UNC13C: variants seen among roughly 807,000 people sequenced by gnomAD.
UNC13C encodes unc-13 homolog C.
UNC13C carries 174 observed loss-of-function variants against 245.4 expected under a neutral mutation model. The observed-to-expected ratio is 0.71, with a 90% confidence interval of 0.63 to 0.80. The LOEUF (loss-of-function observed/expected upper bound fraction) is 0.80, where lower values mean the gene tolerates loss of function less well. Ranked by LOEUF, UNC13C falls within the 30% of genes least tolerant of loss-of-function variation. The pLI is 0.00. For synonymous variants in UNC13C, 992 were observed against 895.1 expected (o/e 1.11, Z -1.93); for missense variants, 2,829 against 2,602.9 (o/e 1.09, Z -1.89).
At chr15:54,257,487 G>A (rs1596096410) in intron 8 of UNC13C, among the ~76,000 whole-genome samples, 1 of 152,176 alleles carries the variant, frequency 6.6e-6, no homozygotes, top group African/African-American at 2.4e-5. Flanking sequence ...TGAATATGGT[G>A]GGGATGGTAC....
At chr15:54,323,642 G>A (rs968419297) in intron 14 of UNC13C, among the ~76,000 whole-genome samples, 2 of 151,970 alleles carry the variant, frequency 1.3e-5, no homozygotes, top group Non-Finnish European at 1.5e-5. Flanking sequence ...TAGACAGATT[G>A]ACTCTTGCAG....
At chr15:53,965,897 CATCACTTTTT>C in the UNC13C span, among the ~76,000 whole-genome samples, 4 of 152,132 alleles carry the variant, frequency 2.6e-5, no homozygotes, top group Admixed American at 2.6e-4. Context: ...GACATGAACT[CATCACTTTTT>C]ATGGCTGCAT....
chr15:54,502,858 T>C (rs1894290308), intron 22 of UNC13C, among the ~76,000 whole-genome samples: 1 of 152,122 alleles, frequency 6.6e-6, no homozygotes, highest in Non-Finnish European at 1.5e-5. Flanking sequence ...GAGTGCACGG[T>C]AACAGAGTAG....
intron 18 of UNC13C, among the ~76,000 whole-genome samples, chr15:54,395,886 G>A (rs2040059487): frequency 6.6e-6 from 1 of 151,766 alleles, no homozygotes; most frequent in Non-Finnish European, 1.5e-5. Context: ...CATGTAGTCA[G>A]TGTTTGTTCT....
rs773206998 is a variant in UNC13C at position 54,297,862 on chromosome 15, A to G, written c.4040A>G (p.Asn1347Ser). 14 of 1,611,386 alleles carry G rather than the reference A, an allele frequency of 8.7e-6. No individual in the cohort carries two copies. Among genetic ancestry groups the G allele is most frequent in the Admixed American group, 3.3e-5 (2 of 59,788 alleles). The stretch of plus-strand genomic sequence containing the variant: ...TCTGGGGCCATACGATTGAAAATCA[A>G]TGTGGAGATAAAAGGAGAAGAGAAG... The part of the protein sequence containing the change: ...AVSGAIRLKI[N>S]VEIKGEEKVA... Residue 1347 changes from asparagine to serine, a missense_variant, in exon 12 of 33, where the codon AAT becomes AGT. Physicochemically the swap from Asn to Ser is conservative, Grantham distance 46 (BLOSUM62 1). Coordinates refer to ENST00000260323, the MANE Select transcript of UNC13C (RefSeq NM_001080534.3).
At chr15:54,118,980 C>T (rs2030473970) in intron 2 of UNC13C, among the ~76,000 whole-genome samples, 1 of 150,578 alleles carries the variant, frequency 6.6e-6, no homozygotes, top group Admixed American at 6.6e-5. Flanking sequence ...TACTTGCATC[C>T]TAGGAATAAA....
chr15:54,113,770 G>A (rs2030006476), intron 2 of UNC13C, among the ~76,000 whole-genome samples: 2 of 152,090 alleles, frequency 1.3e-5, no homozygotes, highest in African/African-American at 2.4e-5. Context: ...AGGTTGCAGT[G>A]AGCCGAGATC....
chr15:54,234,994 A>G, intron 4 of UNC13C, 36 bp from the exon 5 acceptor site: 1 of 1,576,766 alleles, frequency 6.3e-7, no homozygotes, highest in Non-Finnish European at 8.7e-7. Context: ...AAGTCATTTT[A>G]CCCATTGCAA....
chr15:54,335,464 G>C (rs1487286751), intron 16 of UNC13C, among the ~76,000 whole-genome samples: 1 of 151,842 alleles, frequency 6.6e-6, no homozygotes, highest in Non-Finnish European at 1.5e-5. Context: ...TATTAGTTTT[G>C]ACAAATGTGT....
In UNC13C at chr15:54,398,986, T is replaced by A. The variant is rs77196576; in HGVS notation, c.4847+5805T>A. Among the ~76,000 whole-genome samples, 710 of 151,740 alleles carry A rather than the reference T, an allele frequency of 4.7e-3. 35 individuals carry two copies. In the East Asian group the frequency reaches 0.1, roughly 22 times the overall value. On this transcript the variant is annotated intron_variant, in intron 18 of 32. Coordinates refer to ENST00000260323, the MANE Select transcript of UNC13C (RefSeq NM_001080534.3). ...TTTACTATTGTCTTTCTTCTGTTAG[T>A]GAAGATAAATCTTAAATGGTTATAG...
intron 19 of UNC13C, among the ~76,000 whole-genome samples, chr15:54,417,850 T>A (rs1442216229): frequency 6.6e-6 from 1 of 152,134 alleles, no homozygotes; most frequent in Non-Finnish European, 1.5e-5. Context: ...AGTGACATAA[T>A]TCAGAATTAT....
intron 24 of UNC13C, among the ~76,000 whole-genome samples, chr15:54,524,670 G>C (rs1283947457): frequency 6.6e-6 from 1 of 152,156 alleles, no homozygotes; most frequent in African/African-American, 2.4e-5. Flanking sequence ...GCTCCCAGGA[G>C]TTTAAACTGA....
At chr15:54,285,448 G>T (rs1210258785) in intron 10 of UNC13C, among the ~76,000 whole-genome samples, 1 of 152,158 alleles carries the variant, frequency 6.6e-6, no homozygotes, top group Non-Finnish European at 1.5e-5. Context: ...ATAGAAGTGG[G>T]TTACATAATT....
At chr15:54,142,818 A>G (rs1356816449) in intron 2 of UNC13C, among the ~76,000 whole-genome samples, 200 bp from the exon 3 acceptor site, 1 of 152,190 alleles carries the variant, frequency 6.6e-6, no homozygotes, top group Non-Finnish European at 1.5e-5. Context: ...ATACTTTTCA[A>G]GCATTCTATT....
chr15:54,407,518 C>G (rs2140938989), intron 18 of UNC13C, among the ~76,000 whole-genome samples: 1 of 152,270 alleles, frequency 6.6e-6, no homozygotes, highest in Non-Finnish European at 1.5e-5. Context: ...AAATAAAATA[C>G]AGGCTTCGGA....
At chr15:54,442,638 A>G (rs558200398) in intron 19 of UNC13C, among the ~76,000 whole-genome samples, 1 of 152,142 alleles carries the variant, frequency 6.6e-6, no homozygotes, top group East Asian at 1.9e-4. Flanking sequence ...TAGTTTATTG[A>G]GAAGATTTAT....
chr15:54,184,498 A>G (rs186507737), intron 4 of UNC13C, among the ~76,000 whole-genome samples: 1 of 151,814 alleles, frequency 6.6e-6, no homozygotes. Flanking sequence ...ATTCCCACCT[A>G]TGAGTGAGAA....
At chr15:54,041,966 T>C (rs1300691277) in intron 2 of UNC13C, among the ~76,000 whole-genome samples, 1 of 152,206 alleles carries the variant, frequency 6.6e-6, no homozygotes, top group East Asian at 1.9e-4. Flanking sequence ...ATCGAGTACA[T>C]CTCAACTTAG....
chr15:54,591,126 A>G (rs981861312), intron 30 of UNC13C, among the ~76,000 whole-genome samples: 1 of 152,160 alleles, frequency 6.6e-6, no homozygotes, highest in Non-Finnish European at 1.5e-5. Flanking sequence ...CTATCCCTGC[A>G]TCCCTGGTAT....
Sources: allele counts gnomAD v4.1 joint callset (sites outside exome capture counted in the v4.1 genomes callset), GRCh38; gene constraint gnomAD v4.1.1; transcripts MANE v1.5; gene names NCBI Gene and HGNC (gene_info 2026-07-23, HGNC 2026-07-21).